Variants in ANGPTL4 observed in about 807,000 individuals in gnomAD.
ANGPTL4 encodes the protein angiopoietin like 4.
A neutral mutation model predicts 39.2 loss-of-function variants in ANGPTL4; 39 were observed. The ratio of observed to expected loss-of-function variants is 1.00; its 90% CI spans 0.77 to 1.30. The LOEUF is 1.30. Ranked by LOEUF, ANGPTL4 falls within the 50% of genes most tolerant of loss-of-function variation. ANGPTL4 has a pLI of 0.00. For missense variants in ANGPTL4, 545 were observed against 549.8 expected (o/e 0.99, Z 0.09); for synonymous variants, 233 against 229.5 (o/e 1.02, Z -0.14).
chr19:8,373,070 A>T (rs1485928388), intron 6 of ANGPTL4, among the ~76,000 whole-genome samples: 1 of 152,116 alleles, frequency 6.6e-6, no homozygotes, highest in Admixed American at 6.6e-5. Context: ...GGAGTTCAAA[A>T]CTAGCCTGGC....
At chr19:8,366,893 C>T (rs533566419) in intron 3 of ANGPTL4, among the ~76,000 whole-genome samples, 1 of 151,800 alleles carries the variant, frequency 6.6e-6, no homozygotes, top group African/African-American at 2.4e-5. Context: ...CGCCGGCCCC[C>T]TCCCCACCGC....
intron 6 of ANGPTL4, among the ~76,000 whole-genome samples, chr19:8,373,328 C>T (rs1246014474): frequency 6.6e-6 from 1 of 152,010 alleles, no homozygotes; most frequent in Non-Finnish European, 1.5e-5. Context: ...TCCCTTGAAC[C>T]TGGGAGGCAG....
At chr19:8,373,657 C>A in intron 6 of ANGPTL4, 48 bp from the exon 7 acceptor site, 1 of 1,612,962 alleles carries the variant, frequency 6.2e-7, no homozygotes, top group Non-Finnish European at 8.5e-7. Context: ...TCAGCCCCAT[C>A]GGTGGCTCAA....
rs1970945699 is a variant in ANGPTL4 at position 8,364,209 on chromosome 19, C to T, written c.-113C>T. On this transcript the variant is annotated 5_prime_UTR_variant, in exon 1 of 7. Transcript: ENST00000301455. ...ACTGTGATCCGATTCTTTCCAGCGG[C>T]TTCTGCAACCAAGCGGGTCTTACCC... is the stretch of plus-strand genomic sequence containing the variant. 2 of 1,114,822 alleles carry T rather than the reference C, an allele frequency of 1.8e-6. No homozygotes were observed. Among genetic ancestry groups the T allele is most frequent in the Non-Finnish European group, 2.5e-6 (2 of 794,926 alleles). 69.1% of individuals were successfully genotyped at this position (1,114,822 alleles called of 1,614,324 possible).
At chr19:8,368,751 C>T (rs1204544991) in intron 3 of ANGPTL4, among the ~76,000 whole-genome samples, 5 of 152,124 alleles carry the variant, frequency 3.3e-5, no homozygotes, top group African/African-American at 1.2e-4. Context: ...CCAGCTGCTC[C>T]GGAGGCTGCG....
rs146942305 is a variant in ANGPTL4 at position 8,373,815 on chromosome 19, C to T, written c.1150C>T (p.Arg384Trp). The stretch of plus-strand genomic sequence containing the variant: ...GAAGGGAATCTTCTGGAAGACCTGG[C>T]GGGGCCGCTACTACCCGCTGCAGGC... The part of the protein sequence containing the change: ...LKKGIFWKTW[R>W]GRYYPLQATT... The change falls in exon 7 of 7, where the codon CGG (arginine) becomes TGG (tryptophan). Residue 384 changes from arginine to tryptophan, a missense_variant. Physicochemically the swap from Arg to Trp is moderately radical, Grantham distance 101. Coordinates refer to ENST00000301455, the MANE Select transcript of ANGPTL4 (RefSeq NM_139314.3). 39 of 1,613,784 alleles carry T rather than the reference C, an allele frequency of 2.4e-5. No homozygotes were observed. Among genetic ancestry groups the T allele is most frequent in the South Asian group, 8.8e-5 (8 of 91,092 alleles).
intron 2 of ANGPTL4, 29 bp downstream of exon 2, chr19:8,366,093 C>T (rs758054099): frequency 6.8e-6 from 11 of 1,611,274 alleles, no homozygotes; most frequent in Non-Finnish European, 9.3e-6. Context: ...GAGAAAAGGT[C>T]CCTCTGATAG....
Position 8,371,371 on chromosome 19 carries a change from G to A in ANGPTL4, c.888G>A (p.Glu296=). The A allele has an allele frequency of 6.2e-7, 1 of 1,613,646 alleles. No individual in the cohort carries two copies. The highest frequency in any genetic ancestry group is 8.5e-7 in the Non-Finnish European group (1 of 1,180,028). The part of the protein sequence containing the change: ...LLQFSVHLGG[E]DTAYSLQLTA... ...AGTTCTCCGTGCACCTGGGTGGCGA[G>A]GACACGGCCTATAGCCTGCAGCTCA... The change falls in exon 6 of 7, where the codon GAG becomes GAA. Residue 296 remains glutamate (E), a synonymous_variant. Coordinates refer to ENST00000301455, the MANE Select transcript of ANGPTL4 (RefSeq NM_139314.3). The surrounding 1 kb of genome is among the most constrained non-coding windows in gnomAD (Gnocchi z 5.1).
At chr19:8,367,365 G>C (rs1343074253) in intron 3 of ANGPTL4, among the ~76,000 whole-genome samples, 3 of 152,166 alleles carry the variant, frequency 2.0e-5, no homozygotes, top group African/African-American at 7.2e-5. Context: ...TGTGGGTTCG[G>C]GACTCCCAGA....
rs1299611301 is a variant in ANGPTL4, at chr19:8,374,271, C to CTGGTGCTGTTGTG, written c.*388_*400dup. The CTGGTGCTGTTGTG allele has an allele frequency of 3.5e-6, 1 of 286,704 alleles. No individual in the cohort carries two copies. The allele number at this position is 286,704 out of a possible 1,614,324, so 17.8% of individuals were successfully genotyped here. A position where few individuals can be genotyped will look rare whatever the true frequency, so the allele number is the denominator to read the frequency against. On this transcript the variant is annotated 3_prime_UTR_variant, in exon 7 of 7. Coordinates refer to ENST00000301455, the MANE Select transcript of ANGPTL4 (RefSeq NM_139314.3). ...GTGGGTCGAGAGCGCCCTCATGGTG[C>CTGGTGCTGTTGTG]TGGTGCTGTTGTGTGTAGGTCCCCT...
At position 8,371,547 on chromosome 19, in the gene ANGPTL4, C is replaced by T. The variant is rs762357241; in HGVS notation, c.1039+25C>T. The stretch of plus-strand genomic sequence containing the variant: ...GGTGAGCAGGCCCTGCCATGCCACA[C>T]CCAGCCAGCAGCTTCCCTCCTTATC... On this transcript the variant is annotated intron_variant, in intron 6 of 6. Coordinates refer to ENST00000301455, the MANE Select transcript of ANGPTL4 (RefSeq NM_139314.3). This position sits in a 1 kb window ranked among gnomAD's most constrained non-coding sequence, Gnocchi z 5.1. 1.2e-6 allele frequency: 2 copies of T among 1,612,564 alleles called. No homozygotes were observed. The highest frequency in any genetic ancestry group is 1.7e-5 in the Admixed American group (1 of 59,994).
At chr19:8,366,994 C>T (rs931522009) in intron 3 of ANGPTL4, among the ~76,000 whole-genome samples, 15 of 151,770 alleles carry the variant, frequency 9.9e-5, no homozygotes, top group Admixed American at 7.9e-4. Flanking sequence ...CACGTGTGTC[C>T]GATGCAGACT....
chr19:8,367,719 C>T (rs1162442308), intron 3 of ANGPTL4, among the ~76,000 whole-genome samples: 3 of 152,354 alleles, frequency 2.0e-5, no homozygotes, highest in African/African-American at 7.2e-5. Flanking sequence ...CCTCCTCTCC[C>T]TCTAGGAGCT....
chr19:8,365,051 C>T (rs1054880099), intron 1 of ANGPTL4, among the ~76,000 whole-genome samples: 1 of 152,068 alleles, frequency 6.6e-6, no homozygotes, highest in Non-Finnish European at 1.5e-5. Context: ...TGCCTGTAAT[C>T]CCAGCTACTT....
Position 8,371,103 on chromosome 19 carries a change from T to C in ANGPTL4, c.709T>C (p.Phe237Leu), listed in dbSNP as rs768374046. 6.2e-7 allele frequency: 1 copy of C among 1,610,946 alleles called. No individual in the cohort carries two copies. Among genetic ancestry groups the C allele is most frequent in the Non-Finnish European group, 8.5e-7 (1 of 1,178,558 alleles). ...GAGGCGCCACGATGGCTCAGTGGAC[T>C]TCAACCGGCCCTGGGAAGCCTACAA... ...IQRRHDGSVD[F>L]NRPWEAYKAG... is the part of the protein sequence containing the mutation. Residue 237 changes from phenylalanine to leucine, a missense_variant, in exon 5 of 7, where the codon TTC (phenylalanine) becomes CTC (leucine). By Grantham distance (22) the Phe-to-Leu change is conservative. Transcript: ENST00000301455. This position sits in a 1 kb window ranked among gnomAD's most constrained non-coding sequence, Gnocchi z 5.1.
chr19:8,374,203 A>G lies in ANGPTL4; in HGVS notation c.*317A>G, dbSNP rs1822161783. The G allele has an allele frequency of 7.9e-6, 3 of 381,078 alleles. No homozygotes were observed. The highest frequency in any genetic ancestry group is 2.1e-5 in the African/African-American group (1 of 48,572). The allele number at this position is 381,078 out of a possible 1,614,324, so 23.6% of individuals were successfully genotyped here. A position where few individuals can be genotyped will look rare whatever the true frequency, so the allele number is the denominator to read the frequency against. On this transcript the variant is annotated 3_prime_UTR_variant, in exon 7 of 7. Transcript: ENST00000301455. ...CTTGGGGCCAGCCAGACTGGCCTCA[A>G]TGGCGGACTCAGTCACATTGACTGA...
intron 6 of ANGPTL4, among the ~76,000 whole-genome samples, chr19:8,372,354 C>T (rs1224995305): frequency 1.3e-5 from 2 of 151,564 alleles, no homozygotes; most frequent in Admixed American, 6.6e-5. Flanking sequence ...CCACAATACC[C>T]GGCCACAAAC....
At position 8,371,642 on chromosome 19, in the gene ANGPTL4, G is replaced by A; in HGVS notation, c.1039+120G>A. The A allele has an allele frequency of 7.0e-7, 1 of 1,423,678 alleles. No individual in the cohort carries two copies. Among genetic ancestry groups the A allele is most frequent in the Non-Finnish European group, 9.5e-7 (1 of 1,048,206 alleles). The allele number at this position is 1,423,678 out of a possible 1,614,324, so 88.2% of individuals were successfully genotyped here. On this transcript the variant is annotated intron_variant, in intron 6 of 6. Transcript: ENST00000301455. This position sits in a 1 kb window ranked among gnomAD's most constrained non-coding sequence, Gnocchi z 5.1. ...TCCTGCCCCCACCTCTTCCTTACAT[G>A]CCGTGTGTGTGATTGGGCCACTAAC...
At chr19:8,369,074 C>G in intron 3 of ANGPTL4, 145 bp from the exon 4 acceptor site, 1 of 639,856 alleles carries the variant, frequency 1.6e-6, no homozygotes, top group Non-Finnish European at 2.8e-6. Context: ...AGAGGTTAGG[C>G]AGATGGCAGA....
Sources: allele counts gnomAD v4.1 joint callset (sites outside exome capture counted in the v4.1 genomes callset), GRCh38; gene constraint gnomAD v4.1.1; non-coding constraint Gnocchi (gnomAD v3.1); transcripts MANE v1.5; gene names NCBI Gene and HGNC (gene_info 2026-07-23, HGNC 2026-07-21).